Variants in RBFOX1 observed in about 807,000 individuals in gnomAD.
The protein encoded by RBFOX1 is RNA binding protein fox-1 homolog 1.
In RBFOX1, 8 loss-of-function variants were observed where a neutral mutation model predicts 57.7. The observed-to-expected ratio is 0.14, with a 90% CI of 0.08 to 0.25. RBFOX1 has a LOEUF of 0.25. RBFOX1 is among the 10% of genes least tolerant of loss of function. The pLI is 1.00. For synonymous variants in RBFOX1, 326 were observed against 222.4 expected (o/e 1.47, Z -4.15); for missense variants, 611 against 548.5 (o/e 1.11, Z -1.14).
intron 2 of RBFOX1, among the ~76,000 whole-genome samples, chr16:5,506,458 G>C (rs975128104): frequency 2.0e-5 from 3 of 152,160 alleles, no homozygotes; most frequent in African/African-American, 7.2e-5. Context: ...ACCCAGACCA[G>C]AGAAAAACAA....
chr16:6,804,307 C>T (rs2086196051), intron 3 of RBFOX1, among the ~76,000 whole-genome samples: 1 of 152,014 alleles, frequency 6.6e-6, no homozygotes, highest in South Asian at 2.1e-4. Context: ...CCAGCCCTGC[C>T]AATACATACA....
In RBFOX1 at chr16:5,361,213, G is replaced by C. The variant is rs991381572; in HGVS notation, c.220-106003G>C. On this transcript the variant is annotated intron_variant, in intron 1 of 2. Transcript: ENST00000585867. ...GTGCCATTGGTCTTAATGGTGATATGGTTCTGTCTTCCACTGCTGCCAATT... is the reference window on the plus strand; with the variant it reads ...GTGCCATTGGTCTTAATGGTGATATCGTTCTGTCTTCCACTGCTGCCAATT... 3.3e-5 allele frequency among the ~76,000 whole-genome samples: 5 copies of C among 152,160 alleles called. No homozygotes were observed. The East Asian group carries it at 7.7e-4, about 23-fold the overall frequency.
chr16:6,799,659 C>T (rs969018158), intron 3 of RBFOX1, among the ~76,000 whole-genome samples: 5 of 152,142 alleles, frequency 3.3e-5, no homozygotes, highest in Non-Finnish European at 7.3e-5. Flanking sequence ...TCGTATAAAG[C>T]AGGTGGAAGA....
chr16:5,308,983 A>G (rs2064011748), intron 1 of RBFOX1, among the ~76,000 whole-genome samples: 1 of 152,008 alleles, frequency 6.6e-6, no homozygotes. Flanking sequence ...CTTGAAGGGG[A>G]TCAGCTTTCT....
chr16:5,369,768 C>G (rs1323614377), intron 1 of RBFOX1, among the ~76,000 whole-genome samples: 1 of 152,206 alleles, frequency 6.6e-6, no homozygotes, highest in East Asian at 1.9e-4. Context: ...CTCACCTGCT[C>G]TACTCATTAG....
At chr16:5,344,262 C>T (rs2065093666) in intron 1 of RBFOX1, among the ~76,000 whole-genome samples, 2 of 152,180 alleles carry the variant, frequency 1.3e-5, no homozygotes, top group Admixed American at 6.5e-5. Flanking sequence ...CCTGCAGCTC[C>T]CTCTCTCCTG....
At chr16:5,532,475 G>A (rs1163698394) in intron 2 of RBFOX1, among the ~76,000 whole-genome samples, 1 of 152,180 alleles carries the variant, frequency 6.6e-6, no homozygotes, top group African/African-American at 2.4e-5. Context: ...AAGACCCCCT[G>A]GTGAGTCAGA....
At chr16:5,389,764 C>G in intron 1 of RBFOX1, among the ~76,000 whole-genome samples, 1 of 151,472 alleles carries the variant, frequency 6.6e-6, no homozygotes, top group Non-Finnish European at 1.5e-5. Context: ...GTGGCATGAT[C>G]TCAGCTCACT....
At chr16:5,682,335 A>C (rs1040588419) in intron 3 of RBFOX1, among the ~76,000 whole-genome samples, 4 of 152,196 alleles carry the variant, frequency 2.6e-5, no homozygotes, top group Non-Finnish European at 5.9e-5. Flanking sequence ...AAAATTGCAC[A>C]GCTGTGAAAC....
At chr16:6,763,037 A>AG (rs56023527) in intron 3 of RBFOX1, among the ~76,000 whole-genome samples, 134,459 of 152,142 alleles carry the variant, frequency 0.88, 59,815 homozygotes, top group Middle Eastern at 0.94. Context: ...ACGTTCATTC[A>AG]TGGCTGTTTA....
intron 14 of RBFOX1, among the ~76,000 whole-genome samples, chr16:7,688,740 A>G (rs990207639): frequency 3.9e-5 from 6 of 152,158 alleles, no homozygotes; most frequent in African/African-American, 1.4e-4. Flanking sequence ...AAGATTAGTC[A>G]GGCTAGTGAC....
At chr16:5,761,338 T>G (rs1254151631) in intron 3 of RBFOX1, among the ~76,000 whole-genome samples, 1 of 152,218 alleles carries the variant, frequency 6.6e-6, no homozygotes, top group Non-Finnish European at 1.5e-5. Flanking sequence ...TGCAAAGAGA[T>G]AGATCTGGCC....
intron 4 of RBFOX1, among the ~76,000 whole-genome samples, chr16:7,434,019 C>G (rs1331159523): frequency 6.6e-6 from 1 of 152,130 alleles, no homozygotes; most frequent in African/African-American, 2.4e-5. Flanking sequence ...CTATTGGAAA[C>G]TGCTCTTGGA....
At chr16:7,370,640 A>T (rs1047880246) in intron 4 of RBFOX1, among the ~76,000 whole-genome samples, 1 of 152,220 alleles carries the variant, frequency 6.6e-6, no homozygotes, top group Non-Finnish European at 1.5e-5. Flanking sequence ...AGCACATCCT[A>T]GGCATGGGTG....
At chr16:6,199,711 C>T (rs546255084) in intron 1 of RBFOX1, among the ~76,000 whole-genome samples, 143 of 152,226 alleles carry the variant, frequency 9.4e-4, no homozygotes, top group Middle Eastern at 3.4e-3. Flanking sequence ...GAGGGGGTAG[C>T]AGATGAGTTT....
intron 3 of RBFOX1, among the ~76,000 whole-genome samples, chr16:6,837,091 T>G (rs77336181): frequency 0.029 from 4,356 of 152,264 alleles, 201 homozygotes; most frequent in African/African-American, 0.099. Context: ...TGGTTAACAA[T>G]AGCCAGAGCA....
intron 2 of RBFOX1, among the ~76,000 whole-genome samples, chr16:6,491,938 A>G (rs1598134855): frequency 6.6e-6 from 1 of 152,138 alleles, no homozygotes; most frequent in African/African-American, 2.4e-5. Flanking sequence ...ATTAGGATTA[A>G]CCTTCTTATC....
chr16:7,184,917 C>T (rs191879747), intron 4 of RBFOX1, among the ~76,000 whole-genome samples: 11 of 152,062 alleles, frequency 7.2e-5, no homozygotes, highest in Admixed American at 3.9e-4. Flanking sequence ...ATAATGCTTA[C>T]TTGGTGCCCA....
chr16:6,544,528 T>G (rs776482277), intron 2 of RBFOX1, among the ~76,000 whole-genome samples: 1 of 152,198 alleles, frequency 6.6e-6, no homozygotes, highest in Non-Finnish European at 1.5e-5. Flanking sequence ...GATCTCTTCA[T>G]TATTGATTAT....
Sources: allele counts gnomAD v4.1 joint callset (sites outside exome capture counted in the v4.1 genomes callset), GRCh38; gene constraint gnomAD v4.1.1; transcripts MANE v1.5; gene names NCBI Gene and HGNC (gene_info 2026-07-23, HGNC 2026-07-21).